Variants in ITSN2 observed in about 807,000 individuals in gnomAD.
ITSN2 encodes intersectin 2, also known as intersectin-2.
ITSN2 carries 156 observed loss-of-function variants against 243.7 expected under a neutral mutation model. That is an observed-to-expected ratio of 0.64 (90% confidence interval 0.56 to 0.73). The LOEUF is 0.73. Among genes scored for constraint, ITSN2 ranks in the 30% least tolerant of loss-of-function variants. ITSN2 has a pLI of 0.00. For missense variants in ITSN2, 1,801 were observed against 1,996.1 expected (o/e 0.90, Z 1.86); for synonymous variants, 703 against 699.9 (o/e 1.00, Z -0.07).
chr2:24,331,841 A>C (rs756692288), intron 1 of ITSN2, among the ~76,000 whole-genome samples: 1 of 152,216 alleles, frequency 6.6e-6, no homozygotes, highest in African/African-American at 2.4e-5. Context: ...AAAAGTTGTT[A>C]AACAATATGC....
intron 20 of ITSN2, among the ~76,000 whole-genome samples, chr2:24,262,488 T>C (rs574296085): frequency 8.5e-5 from 13 of 152,348 alleles, no homozygotes; most frequent in Non-Finnish European, 1.6e-4. Flanking sequence ...ATCAATTTCA[T>C]TGCTTCTCCC....
intron 14 of ITSN2, among the ~76,000 whole-genome samples, chr2:24,294,123 G>A (rs978187369): frequency 6.6e-6 from 1 of 152,160 alleles, no homozygotes; most frequent in Non-Finnish European, 1.5e-5. Context: ...ATGAATATGT[G>A]TATATCAAAG....
intron 1 of ITSN2, among the ~76,000 whole-genome samples, chr2:24,336,602 T>C (rs530123975): frequency 6.6e-6 from 1 of 152,212 alleles, no homozygotes; most frequent in African/African-American, 2.4e-5. Context: ...CCCTTTGTCA[T>C]GGTCATCACA....
In ITSN2 at chr2:24,312,204, A is replaced by T; in HGVS notation, c.352+8T>A. The T allele has an allele frequency of 6.2e-7, 1 of 1,600,298 alleles. No individual in the cohort carries two copies. The highest frequency in any genetic ancestry group is 8.5e-7 in the Non-Finnish European group (1 of 1,172,286). On this transcript the variant is annotated splice_region_variant and intron_variant, in intron 5 of 39. Coordinates refer to ENST00000355123, the MANE Select transcript of ITSN2 (RefSeq NM_006277.3). Reference sequence around the variant, plus strand: ...CAAATACAGGTATTTAAATTAATACATACTTACCAAAACGAGCAGAAATTA... The same window carrying T: ...CAAATACAGGTATTTAAATTAATACTTACTTACCAAAACGAGCAGAAATTA...
At chr2:24,209,055 C>T in intron 36 of ITSN2, 45 bp downstream of exon 36, 1 of 1,604,706 alleles carries the variant, frequency 6.2e-7, no homozygotes, top group Non-Finnish European at 8.5e-7. Flanking sequence ...GACGTCCAGG[C>T]CTTCTCCCAG....
chr2:24,325,276 GGCTCAC>G (rs1685041421), intron 2 of ITSN2, among the ~76,000 whole-genome samples: 1 of 151,974 alleles, frequency 6.6e-6, no homozygotes, highest in Non-Finnish European at 1.5e-5. Context: ...TGGGTGTGGT[GGCTCAC>G]ACCTGTGGTC....
chr2:24,221,072 G>GA lies in ITSN2; in HGVS notation c.3578-7dup. The GA allele has an allele frequency of 2.5e-6, 4 of 1,595,384 alleles. No individual in the cohort carries two copies. Among genetic ancestry groups the GA allele is most frequent in the Middle Eastern group, 1.7e-4 (1 of 5,950 alleles). Reference sequence around the variant, plus strand: ...GGTTTGCAGATCAGCACACCCTGTGGAAAAAACAGGGTAGTTTAAAATATT... The same window carrying GA: ...GGTTTGCAGATCAGCACACCCTGTGGAAAAAAACAGGGTAGTTTAAAATATT... On this transcript the variant is annotated splice_region_variant and splice_polypyrimidine_tract_variant and intron_variant, in intron 29 of 39. Transcript: ENST00000355123.
intron 29 of ITSN2, among the ~76,000 whole-genome samples, chr2:24,230,546 T>C (rs1341472270): frequency 6.6e-6 from 1 of 152,150 alleles, no homozygotes; most frequent in African/African-American, 2.4e-5. Flanking sequence ...GGTGGGTGGA[T>C]CACCTGAGGT....
chr2:24,310,731 A>C, intron 5 of ITSN2, 39 bp from the exon 6 acceptor site: 1 of 1,560,314 alleles, frequency 6.4e-7, no homozygotes, highest in Non-Finnish European at 8.8e-7. Flanking sequence ...GTGCTAGAAA[A>C]TCAATTATAA....
intron 29 of ITSN2, among the ~76,000 whole-genome samples, chr2:24,226,788 G>A (rs1426293153): frequency 1.6e-4 from 24 of 152,056 alleles, no homozygotes; most frequent in Admixed American, 1.6e-3. Flanking sequence ...CAATATTACT[G>A]TAGAAAAATG....
intron 17 of ITSN2, among the ~76,000 whole-genome samples, chr2:24,277,853 T>C (rs1474954481): frequency 6.6e-6 from 1 of 152,092 alleles, no homozygotes. Context: ...ATAAATAAAA[T>C]TGCAAAAACA....
At chr2:24,271,740 C>A in intron 19 of ITSN2, 26 bp downstream of exon 19, 3 of 1,499,140 alleles carry the variant, frequency 2.0e-6, no homozygotes, top group South Asian at 1.5e-5. Flanking sequence ...ATTTGTTCTA[C>A]TGTCTCAAAG....
chr2:24,329,642 T>C (rs1421692056), intron 1 of ITSN2, among the ~76,000 whole-genome samples: 1 of 152,158 alleles, frequency 6.6e-6, no homozygotes, highest in Non-Finnish European at 1.5e-5. Context: ...ACTTAGTAAT[T>C]AAAACCATGG....
intron 29 of ITSN2, among the ~76,000 whole-genome samples, chr2:24,243,466 T>G (rs1672978328): frequency 1.1e-5 from 1 of 89,986 alleles, no homozygotes; most frequent in African/African-American, 3.3e-5. Context: ...ACGATTATTC[T>G]TTTTCTTCTT....
At chr2:24,304,223 C>T (rs1411023920) in intron 8 of ITSN2, among the ~76,000 whole-genome samples, 2 of 152,222 alleles carry the variant, frequency 1.3e-5, no homozygotes, top group African/African-American at 2.4e-5. Context: ...CCCACTCCTA[C>T]GTGACTGAGC....
chr2:24,257,641 G>C (rs1039805648), intron 23 of ITSN2, among the ~76,000 whole-genome samples: 1 of 151,636 alleles, frequency 6.6e-6, no homozygotes, highest in Non-Finnish European at 1.5e-5. Flanking sequence ...ATTTTTTGTA[G>C]AGACAGGGTT....
chr2:24,301,082 T>C (rs1681663674), intron 11 of ITSN2, 72 bp downstream of exon 11: 1 of 798,086 alleles, frequency 1.3e-6, no homozygotes, highest in South Asian at 2.2e-5. Flanking sequence ...AAATTCTAAA[T>C]ATTCCATTAC....
chr2:24,317,071 T>G (rs1684015799), intron 2 of ITSN2, among the ~76,000 whole-genome samples: 1 of 152,154 alleles, frequency 6.6e-6, no homozygotes, highest in Non-Finnish European at 1.5e-5. Flanking sequence ...CCCAACAGTA[T>G]TTTGGCTTTA....
chr2:24,326,018 A>T (rs536477353), intron 2 of ITSN2, among the ~76,000 whole-genome samples: 1 of 152,280 alleles, frequency 6.6e-6, no homozygotes, highest in East Asian at 1.9e-4. Flanking sequence ...AAAACAATTT[A>T]ACAATCTATG....
Sources: gnomAD v4.1 joint callset for allele counts (sites outside exome capture counted in the v4.1 genomes callset) on GRCh38, gnomAD v4.1.1 for gene constraint, MANE v1.5 for transcripts, NCBI Gene and HGNC (gene_info 2026-07-23, HGNC 2026-07-21) for gene names.